GOLGB1: variants seen among roughly 807,000 people sequenced by gnomAD.
GOLGB1 encodes golgin B1.
In GOLGB1, 174 loss-of-function variants were observed where a neutral mutation model predicts 336.9. The observed-to-expected ratio is 0.52, with a 90% CI of 0.46 to 0.59. The LOEUF (loss-of-function observed/expected upper bound fraction) is 0.59. Ranked by LOEUF, GOLGB1 falls within the 20% of genes least tolerant of loss-of-function variation. The pLI is 0.00. For missense variants in GOLGB1, 3,331 were observed against 3,645.3 expected (o/e 0.91, Z 2.22); for synonymous variants, 1,208 against 1,289.2 (o/e 0.94, Z 1.35).
intron 10 of GOLGB1, among the ~76,000 whole-genome samples, chr3:121,710,641 C>T (rs1327446092): frequency 6.6e-6 from 1 of 151,890 alleles, no homozygotes; most frequent in East Asian, 1.9e-4. Context: ...AAGTTCTGTA[C>T]CAGCCTGGGC....
At chr3:121,734,380 ACT>A (rs1946336218) in intron 1 of GOLGB1, among the ~76,000 whole-genome samples, 1 of 129,294 alleles carries the variant, frequency 7.7e-6, no homozygotes, top group Middle Eastern at 5.2e-3. Flanking sequence ...ACAGAGCAAG[ACT>A]CTGTCTCGGG....
At position 121,691,243 on chromosome 3, in the gene GOLGB1, T is replaced by A. The variant is rs767109678; in HGVS notation, c.8121A>T (p.Glu2707Asp). 2 of 1,614,038 alleles carry A rather than the reference T, an allele frequency of 1.2e-6. No individual in the cohort carries two copies. Among genetic ancestry groups the A allele is most frequent in the South Asian group, 2.2e-5 (2 of 91,070 alleles). ...CTCTTGCTAGCTCTGCCACTCTCTC[T>A]TCTGCTGTTTCAGTTTCATTTCTCA... ...GIMRNETETA[E>D]ERVAELARDL... Residue 2707 changes from glutamate (E) to aspartate (D), a missense_variant, in exon 14 of 22, where the codon GAA (glutamate) becomes GAT (aspartate). Glu to Asp is a conservative substitution (Grantham distance 45). Coordinates refer to ENST00000614479, the MANE Select transcript of GOLGB1 (RefSeq NM_001366282.2).
intron 5 of GOLGB1, among the ~76,000 whole-genome samples, chr3:121,726,377 A>G (rs1385176590): frequency 6.9e-6 from 1 of 145,582 alleles, no homozygotes; most frequent in Non-Finnish European, 1.5e-5. Flanking sequence ...GAGGTTACAG[A>G]GAGCTGAGAC....
rs147922360 is a variant in GOLGB1, at chr3:121,716,870, A to T, written c.1155T>A (p.His385Gln). 4 of 1,614,082 alleles carry T rather than the reference A, an allele frequency of 2.5e-6. No homozygotes were observed. In the East Asian group the frequency reaches 8.9e-5, roughly 36 times the overall value. ...GTCCAGTCTTTTGAAGACTCAAAAT[A>T]TGAGAGGTCTTCTCTTCCATTTCTG... ...HKAEMEEKTS[H>Q]ILSLQKTGQE... The change falls in exon 9 of 22, where the codon CAT becomes CAA. Residue 385 changes from histidine (H) to glutamine (Q), a missense_variant. His to Gln is a conservative substitution (Grantham distance 24). Coordinates refer to ENST00000614479, the MANE Select transcript of GOLGB1 (RefSeq NM_001366282.2).
intron 1 of GOLGB1, among the ~76,000 whole-genome samples, chr3:121,744,852 A>T (rs1481352755): frequency 6.6e-6 from 1 of 152,152 alleles, no homozygotes; most frequent in Non-Finnish European, 1.5e-5. Flanking sequence ...TCCACAGGAA[A>T]GCAGGTGACA....
At chr3:121,718,703 C>T (rs1944963397) in intron 7 of GOLGB1, among the ~76,000 whole-genome samples, 1 of 152,132 alleles carries the variant, frequency 6.6e-6, no homozygotes, top group Non-Finnish European at 1.5e-5. Context: ...AGAGCACCAA[C>T]AACAACCAGA....
rs939987309 is a variant in GOLGB1, at chr3:121,730,008, G to A, written c.106C>T (p.Gln36Ter). 6.2e-7 allele frequency: 1 copy of A among 1,609,086 alleles called. No homozygotes were observed. The highest frequency in any genetic ancestry group is 8.5e-7 in the Non-Finnish European group (1 of 1,177,562). ...MRAPLDPELH[Q>*]ESDMEFNNTT... The stretch of plus-strand genomic sequence containing the variant: ...TTATTAAATTCCATGTCAGATTCTT[G>A]GTGTAATTCCTAATATTTAGGAAAA... Residue 36 changes from glutamine to a stop codon, truncating the protein, a stop_gained, in exon 3 of 22, where the codon CAA becomes TAA. Transcript: ENST00000614479. LOFTEE classifies it high-confidence loss of function.
intron 14 of GOLGB1, among the ~76,000 whole-genome samples, chr3:121,686,866 G>A (rs2107725719): frequency 6.6e-6 from 1 of 152,264 alleles, no homozygotes; most frequent in East Asian, 1.9e-4. Flanking sequence ...AAGATAATAT[G>A]GGTAAGTAGG....
At chr3:121,734,055 C>T (rs1180989912) in intron 1 of GOLGB1, among the ~76,000 whole-genome samples, 1 of 152,116 alleles carries the variant, frequency 6.6e-6, no homozygotes, top group African/African-American at 2.4e-5. Flanking sequence ...TCAAAACATA[C>T]AACTTTTGCT....
At chr3:121,742,761 C>T (rs1271170186) in intron 1 of GOLGB1, among the ~76,000 whole-genome samples, 1 of 152,094 alleles carries the variant, frequency 6.6e-6, no homozygotes, top group Non-Finnish European at 1.5e-5. Flanking sequence ...AGAACTTAAA[C>T]AAATTTACAA....
chr3:121,673,108 C>T (rs1340684689), intron 17 of GOLGB1, among the ~76,000 whole-genome samples: 5 of 148,632 alleles, frequency 3.4e-5, no homozygotes, highest in Non-Finnish European at 5.9e-5. Context: ...CTCGCTCTGT[C>T]ACCCAGGCTG....
intron 14 of GOLGB1, among the ~76,000 whole-genome samples, chr3:121,682,756 C>G (rs1267736834): frequency 6.6e-6 from 1 of 152,030 alleles, no homozygotes; most frequent in Non-Finnish European, 1.5e-5. Flanking sequence ...TTTTTTAAAG[C>G]ACAAAACACA....
intron 10 of GOLGB1, among the ~76,000 whole-genome samples, chr3:121,714,230 C>T (rs1944579693): frequency 6.6e-6 from 1 of 152,158 alleles, no homozygotes; most frequent in South Asian, 2.1e-4. Flanking sequence ...ATGGAGATGA[C>T]TGAATCTAGT....
Position 121,691,641 on chromosome 3 carries a change from C to T in GOLGB1, c.7723G>A (p.Ala2575Thr), listed in dbSNP as rs1942431327. 1.2e-6 allele frequency: 2 copies of T among 1,613,114 alleles called. No homozygotes were observed. The highest frequency in any genetic ancestry group is 1.7e-6 in the Non-Finnish European group (2 of 1,179,720). Residue 2575 changes from alanine to threonine, a missense_variant, in exon 14 of 22, where the codon GCT (alanine) becomes ACT (threonine). Ala to Thr is a moderately conservative substitution (Grantham distance 58). Transcript: ENST00000614479. ...QQNKELENKY[A>T]KLEEKLKESE... ...TCCTTCAGCTTTTCTTCTAATTTAG[C>T]ATATTTATTTTCCAGCTCCTTATTT...
Position 121,664,177 on chromosome 3 carries a change from C to T in GOLGB1, c.*303G>A, listed in dbSNP as rs1938265189. The T allele has an allele frequency of 6.0e-6, 2 of 332,036 alleles. No individual in the cohort carries two copies. The highest frequency in any genetic ancestry group is 4.1e-5 in the Admixed American group (1 of 24,142). The allele number at this position is 332,036 out of a possible 1,614,324, so 20.6% of individuals were successfully genotyped here. On this transcript the variant is annotated 3_prime_UTR_variant, in exon 22 of 22. Transcript: ENST00000614479. ...GAAAGACATTCCTCAGTATCTTTTA[C>T]AGGACCACAAAAGATCAGGGTCCTG... is the stretch of plus-strand genomic sequence containing the variant.
rs752270071 is a variant in GOLGB1 at position 121,695,983 on chromosome 3, C to T, written c.4540G>A (p.Ala1514Thr). ...GTGAGACGTTCAATGGTACCTCTGG[C>T]CAAAGACAATTCCTCTTGGAGACTT... ...NKSLQEELSLARGTIERLTKS... is the reference protein window; with the variant it reads ...NKSLQEELSLTRGTIERLTKS... Residue 1514 changes from alanine to threonine, a missense_variant, in exon 13 of 22, where the codon GCC becomes ACC. By Grantham distance (58) the Ala-to-Thr change is moderately conservative. Coordinates refer to ENST00000614479, the MANE Select transcript of GOLGB1 (RefSeq NM_001366282.2). 2 of 1,614,108 alleles carry T rather than the reference C, an allele frequency of 1.2e-6. No individual in the cohort carries two copies. Among genetic ancestry groups the T allele is most frequent in the Admixed American group, 3.3e-5 (2 of 60,022 alleles).
intron 10 of GOLGB1, among the ~76,000 whole-genome samples, chr3:121,712,557 C>T (rs776322459): frequency 6.4e-4 from 97 of 152,136 alleles, no homozygotes; most frequent in Non-Finnish European, 1.0e-3. Flanking sequence ...ATTCACCAAA[C>T]ATATATGATA....
chr3:121,691,419 AC>A lies in GOLGB1; in HGVS notation c.7944del (p.Arg2648SerfsTer2). The A allele has an allele frequency of 6.2e-7, 1 of 1,613,758 alleles. No homozygotes were observed. Among genetic ancestry groups the A allele is most frequent in the Non-Finnish European group, 8.5e-7 (1 of 1,179,970 alleles). On this transcript the variant is annotated frameshift_variant, in exon 14 of 22. Coordinates refer to ENST00000614479, the MANE Select transcript of GOLGB1 (RefSeq NM_001366282.2). LOFTEE classifies it high-confidence loss of function. The stretch of plus-strand genomic sequence containing the variant: ...TGAGAGGAGGAAAACAAAGCACTTA[AC>A]CTGTGTACCTCTTCTTCTTTTACTT... ...QLKVKEEEVH[R>X]LSALFSSSQK... is the part of the protein sequence containing the mutation.
At chr3:121,720,244 CTA>C (rs1193514432) in intron 6 of GOLGB1, among the ~76,000 whole-genome samples, 1 of 152,174 alleles carries the variant, frequency 6.6e-6, no homozygotes, top group Non-Finnish European at 1.5e-5. Context: ...AAATACCAAT[CTA>C]TCTTTCTAGT....
Sources: gnomAD v4.1 joint callset for allele counts (sites outside exome capture counted in the v4.1 genomes callset) on GRCh38, gnomAD v4.1.1 for gene constraint, MANE v1.5 for transcripts, NCBI Gene and HGNC (gene_info 2026-07-23, HGNC 2026-07-21) for gene names.